The following MGAT4C variants were observed in gnomAD, a reference collection of about 807,000 sequenced individuals.
MGAT4C encodes the protein alpha-1,3-mannosyl-glycoprotein 4-beta-N-acetylglucosaminyltransferase C.
Under a neutral mutation model 40.1 loss-of-function variants are expected in MGAT4C, and 19 were observed. That is an observed-to-expected ratio of 0.47 (90% CI 0.33 to 0.70). MGAT4C has a LOEUF of 0.70. Among genes scored for constraint, MGAT4C ranks in the 30% least tolerant of loss-of-function variants. The pLI is 0.02. For synonymous variants in MGAT4C, 181 were observed against 187.1 expected (o/e 0.97, Z 0.27); for missense variants, 491 against 563.2 (o/e 0.87, Z 1.30).
intron 4 of MGAT4C, among the ~76,000 whole-genome samples, chr12:86,303,333 G>T (rs2136141810): frequency 6.6e-6 from 1 of 150,450 alleles, no homozygotes; most frequent in Admixed American, 6.6e-5. Flanking sequence ...ACAAAACATA[G>T]AATCTAACAG....
At chr12:86,141,489 T>C (rs1180000172) in intron 1 of MGAT4C, among the ~76,000 whole-genome samples, 1 of 152,176 alleles carries the variant, frequency 6.6e-6, no homozygotes, top group Non-Finnish European at 1.5e-5. Flanking sequence ...ACATAAATCT[T>C]TTCATGTGTC....
intron 2 of MGAT4C, among the ~76,000 whole-genome samples, chr12:86,547,059 A>C (rs1354402546): frequency 6.6e-6 from 1 of 151,990 alleles, no homozygotes; most frequent in Admixed American, 6.6e-5. Flanking sequence ...CAGATAGTAA[A>C]ATTTATTGAT....
At chr12:86,152,296 C>T (rs143518478) in intron 1 of MGAT4C, among the ~76,000 whole-genome samples, 37 of 152,304 alleles carry the variant, frequency 2.4e-4, no homozygotes, top group Non-Finnish European at 1.6e-4. Flanking sequence ...AAGATCAAGG[C>T]GCTGGCAGGT....
rs182762471 is a variant in MGAT4C, at chr12:86,656,906, G to C, written c.-229+70303C>G. On this transcript the variant is annotated intron_variant, in intron 2 of 7. Coordinates refer to the MGAT4C transcript ENST00000548651. ...TGAAATTATGTTTTTCTTAATTTTT[G>C]TTTAAATTTAGCTACTTGAAATATG... Among the ~76,000 whole-genome samples, 12 of 152,004 alleles carry C rather than the reference G, an allele frequency of 7.9e-5. No individual in the cohort carries two copies. The East Asian group carries it at 1.9e-3, about 25-fold the overall frequency.
intron 1 of MGAT4C, among the ~76,000 whole-genome samples, chr12:86,178,722 T>A (rs976758877): frequency 1.3e-5 from 2 of 152,196 alleles, no homozygotes; most frequent in African/African-American, 4.8e-5. Flanking sequence ...AACCATTAAA[T>A]TAATCTTAAG....
chr12:86,442,599 G>A (rs931286210), intron 2 of MGAT4C, among the ~76,000 whole-genome samples: 3 of 152,048 alleles, frequency 2.0e-5, no homozygotes, highest in Admixed American at 6.5e-5. Flanking sequence ...TATTAAATAG[G>A]GAATCCTTTC....
At chr12:85,988,411 AT>A (rs898852877) in intron 3 of MGAT4C, among the ~76,000 whole-genome samples, 78 of 150,998 alleles carry the variant, frequency 5.2e-4, no homozygotes, top group African/African-American at 1.5e-3. Context: ...AATCTAAAGC[AT>A]TTTTTTTTGG....
chr12:86,569,594 GTTAA>G (rs1478541875), intron 2 of MGAT4C, among the ~76,000 whole-genome samples: 1 of 152,012 alleles, frequency 6.6e-6, no homozygotes, highest in African/African-American at 2.4e-5. Context: ...TGCTATGAGT[GTTAA>G]TTATCACAGC....
intron 4 of MGAT4C, among the ~76,000 whole-genome samples, chr12:86,286,869 T>C (rs1953364975): frequency 6.6e-6 from 1 of 152,072 alleles, no homozygotes; most frequent in South Asian, 2.1e-4. Context: ...TAAGTTCTCT[T>C]AGGATGATGG....
intron 1 of MGAT4C, among the ~76,000 whole-genome samples, chr12:86,782,327 G>T (rs960360091): frequency 6.6e-6 from 1 of 150,434 alleles, no homozygotes; most frequent in East Asian, 2.0e-4. Flanking sequence ...GACTACAGGC[G>T]CCCGCCACTA....
At chr12:86,722,577 A>G (rs537080035) in intron 2 of MGAT4C, among the ~76,000 whole-genome samples, 98 of 152,342 alleles carry the variant, frequency 6.4e-4, no homozygotes, top group African/African-American at 2.3e-3. Flanking sequence ...GTCCCAAAGT[A>G]TCATATCCTA....
At chr12:86,752,848 A>G (rs1951246775) in intron 1 of MGAT4C, among the ~76,000 whole-genome samples, 1 of 152,140 alleles carries the variant, frequency 6.6e-6, no homozygotes, top group African/African-American at 2.4e-5. Flanking sequence ...TTGCCTATCC[A>G]TATGCAAAAA....
At position 86,612,938 on chromosome 12, in the gene MGAT4C, T is replaced by C. The variant is rs555702032; in HGVS notation, c.-229+114271A>G. ...TCTACTTTCTAATCTGAAGTGTTCA[T>C]CAGAAGAATTAGAAAATGTGAATCA... is the stretch of plus-strand genomic sequence containing the variant. On this transcript the variant is annotated intron_variant, in intron 2 of 7. Transcript: ENST00000548651. 2.6e-5 allele frequency among the ~76,000 whole-genome samples: 4 copies of C among 152,244 alleles called. No homozygotes were observed. The South Asian group carries it at 8.3e-4, about 32-fold the overall frequency.
At chr12:86,408,496 T>C (rs1398459121) in intron 3 of MGAT4C, among the ~76,000 whole-genome samples, 2 of 142,138 alleles carry the variant, frequency 1.4e-5, no homozygotes, top group African/African-American at 2.6e-5. Flanking sequence ...TATATATATA[T>C]ATATATATAT....
At chr12:86,456,024 AT>A (rs2136291153) in intron 2 of MGAT4C, among the ~76,000 whole-genome samples, 1 of 152,282 alleles carries the variant, frequency 6.6e-6, no homozygotes, top group African/African-American at 2.4e-5. Flanking sequence ...TGTAAGAAAA[AT>A]ATGCTTAAAA....
chr12:86,092,283 T>G (rs1272831294), intron 1 of MGAT4C, among the ~76,000 whole-genome samples: 1 of 152,104 alleles, frequency 6.6e-6, no homozygotes, highest in African/African-American at 2.4e-5. Flanking sequence ...CATGTTTGAT[T>G]AAGTAATAAT....
chr12:86,566,639 A>G (rs1960135609), intron 2 of MGAT4C, among the ~76,000 whole-genome samples: 1 of 144,152 alleles, frequency 6.9e-6, no homozygotes, highest in Non-Finnish European at 1.5e-5. Context: ...TATTATATAT[A>G]CATAAATGTA....
chr12:86,018,195 G>A (rs1410975226), intron 2 of MGAT4C, among the ~76,000 whole-genome samples: 1 of 152,082 alleles, frequency 6.6e-6, no homozygotes, highest in African/African-American at 2.4e-5. Context: ...GTAGAGGTGG[G>A]AAAGAAGAAA....
chr12:86,666,374 G>A (rs1034271156), intron 2 of MGAT4C, among the ~76,000 whole-genome samples: 3 of 151,522 alleles, frequency 2.0e-5, no homozygotes, highest in African/African-American at 7.3e-5. Context: ...ATGTAATCTA[G>A]TCCTCCATTC....
Sources: allele counts gnomAD v4.1 joint callset (sites outside exome capture counted in the v4.1 genomes callset), GRCh38; gene constraint gnomAD v4.1.1; transcripts MANE v1.5; gene names NCBI Gene and HGNC (gene_info 2026-07-23, HGNC 2026-07-21).